L3MBTL1: variants seen among roughly 807,000 people sequenced by gnomAD.
L3MBTL1 encodes lethal(3)malignant brain tumor-like protein 1.
Under a neutral mutation model 105.3 loss-of-function variants are expected in L3MBTL1, and 75 were observed. That is an observed-to-expected ratio of 0.71 (90% CI 0.59 to 0.86). The LOEUF (loss-of-function observed/expected upper bound fraction) is 0.86, where lower values mean the gene tolerates loss of function less well. Ranked by LOEUF, L3MBTL1 falls within the 40% of genes least tolerant of loss-of-function variation. L3MBTL1 has a pLI of 0.00. For missense variants in L3MBTL1, 1,069 were observed against 1,126.4 expected (o/e 0.95, Z 0.73); for synonymous variants, 452 against 436.2 (o/e 1.04, Z -0.45).
chr20:43,535,864 C>G lies in L3MBTL1; in HGVS notation c.1853C>G (p.Pro618Arg), dbSNP rs746499947. 1.2e-5 allele frequency: 19 copies of G among 1,609,506 alleles called. No homozygotes were observed. In the Admixed American group the frequency reaches 3.2e-4, roughly 27 times the overall value. Residue 618 changes from proline (P) to arginine (R), a missense_variant, in exon 17 of 22, where the codon CCT becomes CGT. Pro to Arg is a moderately radical substitution (Grantham distance 103). Transcript: ENST00000418998. ...LGPREPSSAS[P>R]GGCPPLSYRS... ...CCCAGAGAGCCCAGCTCTGCCTCCC[C>G]TGGGGGCTGTCCCCCTCTCAGCTAT...
At position 43,541,336 on chromosome 20, in the gene L3MBTL1, C is replaced by T; in HGVS notation, c.*208C>T. 1.1e-6 allele frequency: 1 copy of T among 923,304 alleles called. No homozygotes were observed. The allele number at this position is 923,304 out of a possible 1,614,324, so 57.2% of individuals were successfully genotyped here. A position where few individuals can be genotyped will look rare whatever the true frequency, so the allele number is the denominator to read the frequency against. On this transcript the variant is annotated 3_prime_UTR_variant, in exon 22 of 22. Transcript: ENST00000418998. Reference sequence around the variant, plus strand: ...TCTGTCAATTTGAGCTGTTTACTGTCTCTGAGCCTACATCTTCTTGTCTGT... The same window carrying T: ...TCTGTCAATTTGAGCTGTTTACTGTTTCTGAGCCTACATCTTCTTGTCTGT...
chr20:43,514,930 A>G (rs1600894795), intron 4 of L3MBTL1, 79 bp from the exon 5 acceptor site: 12 of 1,538,818 alleles, frequency 7.8e-6, no homozygotes, highest in Non-Finnish European at 9.7e-6. Context: ...AGGCGGAGGC[A>G]GGGCCTGAGG....
At chr20:43,508,032 T>A (rs548196734) in intron 1 of L3MBTL1, among the ~76,000 whole-genome samples, 1 of 152,242 alleles carries the variant, frequency 6.6e-6, no homozygotes, top group South Asian at 2.1e-4. Flanking sequence ...GGAGGCTGCG[T>A]GTTTGGAGAT....
At chr20:43,539,982 G>T in intron 19 of L3MBTL1, 169 bp from the exon 20 acceptor site, 1 of 713,698 alleles carries the variant, frequency 1.4e-6, no homozygotes, top group East Asian at 2.7e-5. Flanking sequence ...AACACTGTGT[G>T]AGGAGTCAGG....
At chr20:43,535,086 T>C (rs2019538159) in intron 16 of L3MBTL1, 144 bp downstream of exon 16, 2 of 604,454 alleles carry the variant, frequency 3.3e-6, no homozygotes, top group Non-Finnish European at 5.8e-6. Context: ...GAATCCCCCA[T>C]CTGCCCCACC....
At chr20:43,541,948 C>T (rs1228645691), downstream of L3MBTL1, 3 of 979,944 alleles carry the variant, frequency 3.1e-6, no homozygotes, top group Admixed American at 6.1e-5. Context: ...CAGTGGCTCA[C>T]GCCTGTAATC....
At chr20:43,527,718 GTTTC>G (rs1337637388) in intron 7 of L3MBTL1, among the ~76,000 whole-genome samples, 8 of 150,752 alleles carry the variant, frequency 5.3e-5, no homozygotes, top group Non-Finnish European at 8.9e-5. Context: ...TCAAAAAAGT[GTTTC>G]TTTTTTTTTT....
At chr20:43,535,548 G>A (rs1432284189) in intron 16 of L3MBTL1, among the ~76,000 whole-genome samples, 2 of 152,180 alleles carry the variant, frequency 1.3e-5, no homozygotes, top group Non-Finnish European at 2.9e-5. Flanking sequence ...CTAAGGTATG[G>A]CTACACCCAA....
In L3MBTL1 at chr20:43,522,456, A is replaced by ATTTTTTTTTTTTTTTTTTTTTTT. The variant is rs778355165; in HGVS notation, c.863-6201_863-6200insTTTTTTTTTTTTTTTTTTTTTTT. On this transcript the variant is annotated intron_variant, in intron 7 of 21. Coordinates refer to ENST00000418998, the MANE Select transcript of L3MBTL1 (RefSeq NM_001377303.1). ...ATGGTAACTGAATTTTTCCCTGCTA[A>ATTTTTTTTTTTTTTTTTTTTTTT]GTTTTTTTTTTTTTTTTTTTTTTTT... Among the ~76,000 whole-genome samples the ATTTTTTTTTTTTTTTTTTTTTTT allele has an allele frequency of 2.1e-4, 19 of 89,874 alleles. 4 individuals are homozygous for ATTTTTTTTTTTTTTTTTTTTTTT. Among genetic ancestry groups the ATTTTTTTTTTTTTTTTTTTTTTT allele is most frequent in the East Asian group, 4.2e-4 (1 of 2,394 alleles). The allele number at this position is 89,874 out of a possible 152,430, so 59.0% of individuals were successfully genotyped here. A position where few individuals can be genotyped will look rare whatever the true frequency, so the allele number is the denominator to read the frequency against.
At chr20:43,526,753 A>T (rs2019054084) in intron 7 of L3MBTL1, among the ~76,000 whole-genome samples, 1 of 152,118 alleles carries the variant, frequency 6.6e-6, no homozygotes, top group South Asian at 2.1e-4. Context: ...TGAGGTCAGG[A>T]GTTACTGGCC....
chr20:43,510,642 C>A (rs1019246738), intron 1 of L3MBTL1, among the ~76,000 whole-genome samples: 1 of 151,598 alleles, frequency 6.6e-6, no homozygotes, highest in Non-Finnish European at 1.5e-5. Flanking sequence ...GTCTTGAACT[C>A]CTGACCTCAG....
Position 43,530,784 on chromosome 20 carries a change from C to T in L3MBTL1, c.1193-14C>T, listed in dbSNP as rs773474379. 3 of 1,613,274 alleles carry T rather than the reference C, an allele frequency of 1.9e-6. No individual in the cohort carries two copies. The African/African-American group carries it at 4.0e-5, about 22-fold the overall frequency. ...TCTGCACGGCGCTCTGTTCATGCCC[C>T]TCGAGGGGCCTAGGTTACAAGGAGG... On this transcript the variant is annotated splice_polypyrimidine_tract_variant and intron_variant, in intron 10 of 21. Transcript: ENST00000418998.
Position 43,532,898 on chromosome 20 carries a change from C to T in L3MBTL1, c.1410C>T (p.Asp470=). The change falls in exon 12 of 22, where the codon GAC becomes GAT. Residue 470 remains aspartate, a synonymous_variant. Transcript: ENST00000418998. ...ACAGCCGCTTCCTGGTGCACTTTGA[C>T]AACTGGGATGATACTTATGACTACT... is the stretch of plus-strand genomic sequence containing the variant. ...VVDSRFLVHF[D]NWDDTYDYWC... 6 of 1,614,088 alleles carry T rather than the reference C, an allele frequency of 3.7e-6. No homozygotes were observed. Among genetic ancestry groups the T allele is most frequent in the East Asian group, 2.2e-5 (1 of 44,866 alleles).
chr20:43,512,336 G>A (rs1382544724), intron 1 of L3MBTL1, among the ~76,000 whole-genome samples: 3 of 152,106 alleles, frequency 2.0e-5, no homozygotes, highest in South Asian at 2.1e-4. Flanking sequence ...GTCTAAAGCT[G>A]TGCTGTCCAA....
chr20:43,543,518 T>C (rs1052952380), downstream of L3MBTL1, among the ~76,000 whole-genome samples: 3 of 152,152 alleles, frequency 2.0e-5, no homozygotes, highest in African/African-American at 7.2e-5. Context: ...AAAAAACTAG[T>C]GGCCAAAGGG....
At chr20:43,508,639 A>T (rs190278033) in intron 1 of L3MBTL1, among the ~76,000 whole-genome samples, 8 of 152,378 alleles carry the variant, frequency 5.3e-5, no homozygotes, top group Admixed American at 5.2e-4. Context: ...AGCATCTGCT[A>T]TGTGCACGGC....
At chr20:43,514,186 G>A (rs1374418423) in intron 3 of L3MBTL1, 125 bp downstream of exon 3, 3 of 899,986 alleles carry the variant, frequency 3.3e-6, no homozygotes, top group African/African-American at 3.4e-5. Flanking sequence ...CCCTAGGGGT[G>A]GGCTTTGAGT....
chr20:43,518,196 A>G (rs1352444702), intron 7 of L3MBTL1, among the ~76,000 whole-genome samples: 2 of 151,074 alleles, frequency 1.3e-5, no homozygotes, highest in Admixed American at 6.6e-5. Flanking sequence ...CTGTATCAGT[A>G]GACAGAAGTT....
At chr20:43,549,985 T>G (rs1978881468) in exon 19 of L3MBTL1, 1 of 152,106 alleles carries the variant, frequency 6.6e-6, no homozygotes, top group Admixed American at 6.6e-5. Flanking sequence ...GGGCTTTAGG[T>G]GTCCATTCCC....
Sources: allele counts gnomAD v4.1 joint callset (sites outside exome capture counted in the v4.1 genomes callset), GRCh38; gene constraint gnomAD v4.1.1; transcripts MANE v1.5; gene names NCBI Gene and HGNC (gene_info 2026-07-23, HGNC 2026-07-21).